Variants in KCNJ6 observed in about 807,000 individuals in gnomAD.
KCNJ6 encodes the protein G protein-activated inward rectifier potassium channel 2.
KCNJ6 carries 9 observed loss-of-function variants against 34.2 expected under a neutral mutation model. The observed-to-expected ratio is 0.26, with a 90% CI of 0.16 to 0.46. The LOEUF (loss-of-function observed/expected upper bound fraction) is 0.46, where lower values mean the gene tolerates loss of function less well. Among genes scored for constraint, KCNJ6 ranks in the 20% least tolerant of loss-of-function variants. KCNJ6 has a pLI of 1.00. For missense variants in KCNJ6, 236 were observed against 531.3 expected (o/e 0.44, Z 5.46); for synonymous variants, 196 against 207.1 (o/e 0.95, Z 0.46).
chr21:37,820,053 G>T (rs1466215974), intron 2 of KCNJ6, among the ~76,000 whole-genome samples: 1 of 152,070 alleles, frequency 6.6e-6, no homozygotes, highest in Non-Finnish European at 1.5e-5. Context: ...CTCCCAAAGT[G>T]CTGGGATTAC....
intron 1 of KCNJ6, among the ~76,000 whole-genome samples, chr21:37,883,843 T>C (rs992959552): frequency 2.6e-5 from 4 of 152,194 alleles, no homozygotes; most frequent in African/African-American, 9.7e-5. Context: ...TTGGTAGGTA[T>C]AAACCTTTAA....
At chr21:37,790,229 T>G (rs958657297) in intron 2 of KCNJ6, among the ~76,000 whole-genome samples, 4 of 152,184 alleles carry the variant, frequency 2.6e-5, no homozygotes, top group African/African-American at 9.7e-5. Context: ...CTTTGAATTG[T>G]GACTAGGAGA....
At chr21:37,910,109 G>A (rs965529373) in intron 1 of KCNJ6, among the ~76,000 whole-genome samples, 3 of 152,194 alleles carry the variant, frequency 2.0e-5, no homozygotes, top group African/African-American at 7.2e-5. Flanking sequence ...CCAGAATGAA[G>A]TCACAGGAGC....
chr21:37,905,205 A>G (rs923052439), intron 1 of KCNJ6, among the ~76,000 whole-genome samples: 1 of 152,146 alleles, frequency 6.6e-6, no homozygotes, highest in Non-Finnish European at 1.5e-5. Context: ...TTACTGCTTC[A>G]CACATGCTTA....
At chr21:37,803,380 C>T (rs2055278804) in intron 2 of KCNJ6, among the ~76,000 whole-genome samples, 1 of 152,164 alleles carries the variant, frequency 6.6e-6, no homozygotes. Flanking sequence ...CTTAGTAGAA[C>T]AAGACATCAA....
chr21:37,808,043 A>G (rs1008847053), intron 2 of KCNJ6, among the ~76,000 whole-genome samples: 2 of 152,184 alleles, frequency 1.3e-5, no homozygotes, highest in African/African-American at 4.8e-5. Context: ...TCTCTTCTAG[A>G]AAAATATTTC....
chr21:37,808,970 C>T (rs529507663), intron 2 of KCNJ6, among the ~76,000 whole-genome samples: 97 of 152,302 alleles, frequency 6.4e-4, no homozygotes, highest in Non-Finnish European at 9.0e-4. Context: ...GTGGCGATTC[C>T]TCAGGGATCT....
chr21:37,910,690 G>A (rs1354627769), intron 1 of KCNJ6, among the ~76,000 whole-genome samples: 1 of 152,178 alleles, frequency 6.6e-6, no homozygotes, highest in Non-Finnish European at 1.5e-5. Flanking sequence ...TATGATTCCT[G>A]GTCCTAAGCA....
At chr21:37,668,348 G>A (rs557529234) in intron 3 of KCNJ6, among the ~76,000 whole-genome samples, 5 of 152,236 alleles carry the variant, frequency 3.3e-5, no homozygotes, top group South Asian at 4.1e-4. Flanking sequence ...CACAGATGGC[G>A]CCTTAAATAA....
chr21:37,839,109 T>C (rs772075210), intron 2 of KCNJ6, among the ~76,000 whole-genome samples: 20 of 152,240 alleles, frequency 1.3e-4, no homozygotes, highest in Non-Finnish European at 2.5e-4. Context: ...CTTTTCTTTA[T>C]CAATTACCCA....
At chr21:37,857,741 G>T (rs1431757380) in intron 1 of KCNJ6, among the ~76,000 whole-genome samples, 1 of 152,004 alleles carries the variant, frequency 6.6e-6, no homozygotes, top group African/African-American at 2.4e-5. Flanking sequence ...AGCCAGCAGT[G>T]GATCTATCCA....
intron 1 of KCNJ6, among the ~76,000 whole-genome samples, chr21:37,903,256 G>A (rs546146503): frequency 6.6e-6 from 1 of 152,258 alleles, no homozygotes; most frequent in African/African-American, 2.4e-5. Context: ...TCTCCCTACT[G>A]TCTCATGGTA....
Position 37,714,129 on chromosome 21 carries a change from A to G in KCNJ6, c.946+82T>C. 1 of 982,946 alleles carries G rather than the reference A, an allele frequency of 1.0e-6. No individual in the cohort carries two copies. Among genetic ancestry groups the G allele is most frequent in the Non-Finnish European group, 1.6e-6 (1 of 640,590 alleles). 60.9% of individuals were successfully genotyped at this position (982,946 alleles called of 1,614,324 possible). A position where few individuals can be genotyped will look rare whatever the true frequency, so the allele number is the denominator to read the frequency against. On this transcript the variant is annotated intron_variant, in intron 3 of 3. Transcript: ENST00000609713. The surrounding 1 kb of genome is among the most constrained non-coding windows in gnomAD (Gnocchi z 5.9). ...TATTGAGTGAGGTTCAGTATTCTAG[A>G]TCTTGTAATAGATAAGAACATCAGG... is the stretch of plus-strand genomic sequence containing the variant.
intron 3 of KCNJ6, among the ~76,000 whole-genome samples, chr21:37,667,000 G>A (rs1379855964): frequency 6.6e-6 from 1 of 151,240 alleles, no homozygotes; most frequent in Non-Finnish European, 1.5e-5. Flanking sequence ...AGTACCCAGG[G>A]ACACAAACAC....
intron 2 of KCNJ6, among the ~76,000 whole-genome samples, chr21:37,821,271 C>T (rs776271767): frequency 6.6e-6 from 1 of 152,218 alleles, no homozygotes. Flanking sequence ...TACATTGTTG[C>T]ACAATGCTGT....
intron 2 of KCNJ6, among the ~76,000 whole-genome samples, chr21:37,756,688 C>CCAGCCCGGAGTGAGCACTCCCTCACAGT (rs2055028144): frequency 9.0e-6 from 1 of 111,312 alleles, no homozygotes; most frequent in African/African-American, 3.9e-5. Flanking sequence ...TCCCTCACAG[C>CCAGCCCGGAGTGAGCACTCCCTCACAGT]GTGATGATTC....
At chr21:37,914,963 C>G (rs1189976882) in intron 1 of KCNJ6, among the ~76,000 whole-genome samples, 1 of 146,078 alleles carries the variant, frequency 6.8e-6, no homozygotes, top group Non-Finnish European at 1.5e-5. Context: ...AGGCGGAATT[C>G]TTTGGAAAAT....
At chr21:37,915,494 T>C (rs926754225) in intron 1 of KCNJ6, among the ~76,000 whole-genome samples, 39 of 152,182 alleles carry the variant, frequency 2.6e-4, no homozygotes, top group Admixed American at 2.6e-4. Flanking sequence ...ACAAAGACAA[T>C]AGGCTTTTCC....
At chr21:37,753,232 G>C (rs191801147) in intron 2 of KCNJ6, among the ~76,000 whole-genome samples, 1 of 152,284 alleles carries the variant, frequency 6.6e-6, no homozygotes, top group Non-Finnish European at 1.5e-5. Context: ...CCAGAAGCAC[G>C]GATTGAACCT....
Sources: gnomAD v4.1 joint callset for allele counts (sites outside exome capture counted in the v4.1 genomes callset) on GRCh38, gnomAD v4.1.1 for gene constraint, Gnocchi (gnomAD v3.1) non-coding constraint, MANE v1.5 for transcripts, NCBI Gene and HGNC (gene_info 2026-07-23, HGNC 2026-07-21) for gene names.